NTRK1: variants seen among roughly 807,000 people sequenced by gnomAD.
NTRK1 encodes the protein neurotrophic receptor tyrosine kinase 1, also known as high affinity nerve growth factor receptor.
A neutral mutation model predicts 86.8 loss-of-function variants in NTRK1; 62 were observed. The observed-to-expected ratio is 0.71, with a 90% CI of 0.58 to 0.88. The LOEUF (loss-of-function observed/expected upper bound fraction) is 0.88. NTRK1 is among the 40% of genes least tolerant of loss of function. The pLI, the probability that NTRK1 is intolerant of heterozygous loss-of-function variation, is 0.00. For missense variants in NTRK1, 967 were observed against 1,078.4 expected (o/e 0.90, Z 1.45); for synonymous variants, 469 against 456.6 (o/e 1.03, Z -0.35).
chr1:156,841,790 G>T, intron 1 of NTRK1: 1 of 1,614,102 alleles, frequency 6.2e-7, no homozygotes, highest in South Asian at 1.1e-5. Context: ...GAGTCATCCC[G>T]AAGTCTGGAA....
At chr1:156,848,935 C>T (rs1439011415) in intron 2 of NTRK1, 1 of 1,581,164 alleles carries the variant, frequency 6.3e-7, no homozygotes, top group Non-Finnish European at 8.6e-7. Flanking sequence ...CCTTGTAGTA[C>T]ACGATGAAGC....
At chr1:156,842,487 A>T in intron 2 of NTRK1, 1 of 1,614,026 alleles carries the variant, frequency 6.2e-7, no homozygotes, top group Non-Finnish European at 8.5e-7. Flanking sequence ...TGGCCCTGAG[A>T]TACCACACCC....
chr1:156,861,253 C>T lies in NTRK1; in HGVS notation c.212+107C>T, dbSNP rs73004743. On this transcript the variant is annotated intron_variant, in intron 1 of 16. Transcript: ENST00000524377. ...TGCTGGTCAGGCAGGACGAGCACGG[C>T]GGAAGGCTGGCACCACGCAGCCTTC... 1.3e-3 allele frequency: 1,715 copies of T among 1,329,448 alleles called. 20 individuals carry two copies. In the African/African-American group the frequency reaches 0.022, roughly 17 times the overall value. 82.4% of individuals were successfully genotyped at this position (1,329,448 alleles called of 1,614,324 possible).
At chr1:156,820,169 A>G (rs1402843818) in intron 1 of NTRK1, among the ~76,000 whole-genome samples, 1 of 151,912 alleles carries the variant, frequency 6.6e-6, no homozygotes, top group Admixed American at 6.6e-5. Context: ...GAGATGGGGA[A>G]CCAGTTTCAT....
intron 4 of NTRK1, among the ~76,000 whole-genome samples, chr1:156,867,624 C>A (rs11264578): frequency 6.6e-6 from 1 of 150,460 alleles, no homozygotes; most frequent in Non-Finnish European, 1.5e-5. Context: ...TGAGTCACAG[C>A]GCCTGGCTTA....
At chr1:156,839,794 G>C (rs984227929) in intron 1 of NTRK1, among the ~76,000 whole-genome samples, 29 of 152,308 alleles carry the variant, frequency 1.9e-4, no homozygotes, top group African/African-American at 6.7e-4. Context: ...GGACTGGTTG[G>C]TTCTGCTTGG....
chr1:156,870,681 AT>A (rs1172298443), intron 6 of NTRK1, among the ~76,000 whole-genome samples: 1 of 152,216 alleles, frequency 6.6e-6, no homozygotes, highest in Non-Finnish European at 1.5e-5. Flanking sequence ...AGGATTCCAC[AT>A]TTATAAAGTT....
upstream of NTRK1, chr1:156,858,967 C>A (rs1655509590): frequency 3.6e-6 from 1 of 276,674 alleles, no homozygotes; most frequent in Admixed American, 4.4e-5. Flanking sequence ...GCCAGCCAAC[C>A]CTGAGGGCGG....
rs370483210 is a variant in NTRK1, at chr1:156,866,974, G to A, written c.424G>A (p.Glu142Lys). The stretch of plus-strand genomic sequence containing the variant: ...AACTGTGCAGGGCCTCTCCTTACAG[G>A]AACTGTGAGTGGGGGCGCTTCCAGG... ...WKTVQGLSLQELVLSGNPLHC... is the reference protein window; with the variant it reads ...WKTVQGLSLQKLVLSGNPLHC... Residue 142 changes from glutamate to lysine, a missense_variant, in exon 4 of 17, where the codon GAA becomes AAA. Physicochemically the swap from Glu to Lys is moderately conservative, Grantham distance 56. Coordinates refer to ENST00000524377, the MANE Select transcript of NTRK1 (RefSeq NM_002529.4). 4.0e-5 allele frequency: 64 copies of A among 1,614,088 alleles called. No individual in the cohort carries two copies. The African/African-American group carries it at 8.4e-4, about 21-fold the overall frequency.
chr1:156,852,625 C>T (rs994196942), intron 2 of NTRK1, among the ~76,000 whole-genome samples: 2 of 152,220 alleles, frequency 1.3e-5, no homozygotes, highest in Non-Finnish European at 2.9e-5. Flanking sequence ...TTTACCCATG[C>T]TCCTGCCCAT....
At chr1:156,876,050 G>A (rs769292213) in intron 12 of NTRK1, 30 bp from the exon 13 acceptor site, 3 of 1,613,960 alleles carry the variant, frequency 1.9e-6, no homozygotes, top group African/African-American at 2.7e-5. Flanking sequence ...CAAGACTGGG[G>A]CTACCGTCTG....
chr1:156,845,848 G>A lies in NTRK1; in HGVS notation c.50+3655G>A, dbSNP rs753128627. 1.9e-6 allele frequency: 3 copies of A among 1,593,374 alleles called. No individual in the cohort carries two copies. The East Asian group carries it at 6.9e-5, about 36-fold the overall frequency. On this transcript the variant is annotated intron_variant, in intron 2 of 16. Coordinates refer to the NTRK1 transcript ENST00000392302. Reference sequence around the variant, plus strand: ...GCAGCGGGAAGACACTAGTAAGACAGGCGGTCTACCCGCCTCTGATCCCCC... The same window carrying A: ...GCAGCGGGAAGACACTAGTAAGACAAGCGGTCTACCCGCCTCTGATCCCCC...
intron 1 of NTRK1, among the ~76,000 whole-genome samples, chr1:156,833,460 G>A: frequency 6.6e-6 from 1 of 152,134 alleles, no homozygotes; most frequent in South Asian, 2.1e-4. Context: ...GGGAGGCTGA[G>A]GCAGGAGAAT....
At chr1:156,880,888 C>T (rs1648221912) in intron 16 of NTRK1, among the ~76,000 whole-genome samples, 1 of 152,218 alleles carries the variant, frequency 6.6e-6, no homozygotes, top group Non-Finnish European at 1.5e-5. Context: ...GATTCCTTGG[C>T]TGCTTTAGCA....
chr1:156,876,242 C>A (rs1647896571), intron 13 of NTRK1, 32 bp downstream of exon 13: 5 of 1,613,202 alleles, frequency 3.1e-6, no homozygotes, highest in Non-Finnish European at 4.2e-6. Flanking sequence ...TACTGCTGGC[C>A]TGGGTCCCAC....
Position 156,876,563 on chromosome 1 carries a change from G to T in NTRK1, c.1796G>T (p.Arg599Leu), listed in dbSNP as rs775718859. 8 of 1,611,868 alleles carry T rather than the reference G, an allele frequency of 5.0e-6. No individual in the cohort carries two copies. The highest frequency in any genetic ancestry group is 6.8e-6 in the Non-Finnish European group (8 of 1,179,546). Residue 599 changes from arginine (R) to leucine (L), a missense_variant, in exon 14 of 17, where the codon CGC becomes CTC. Arg to Leu is a moderately radical substitution (Grantham distance 102, BLOSUM62 -2). Coordinates refer to ENST00000524377, the MANE Select transcript of NTRK1 (RefSeq NM_002529.4). ...TATATGCGGCACGGGGACCTCAACC[G>T]CTTCCTCCGGTACCAGCACCTGGCC... ...FEYMRHGDLN[R>L]FLRSHGPDAK... is the part of the protein sequence containing the mutation.
chr1:156,867,121 A>G, intron 4 of NTRK1, 143 bp downstream of exon 4: 4 of 864,974 alleles, frequency 4.6e-6, no homozygotes, highest in Non-Finnish European at 7.7e-6. Context: ...TGCCAGTGAA[A>G]CCCCCATCAA....
chr1:156,844,864 C>T lies in NTRK1; in HGVS notation c.50+2671C>T, dbSNP rs554642017. 25 of 1,613,292 alleles carry T rather than the reference C, an allele frequency of 1.5e-5. 1 individual carries two copies. In the South Asian group the frequency reaches 2.3e-4, roughly 15 times the overall value. On this transcript the variant is annotated intron_variant, in intron 2 of 16. Transcript: ENST00000392302. ...CTCTCCTGCGGGAAGGGGCATCCAGCAGCCGGGCCAAAAGTGGTTCATCTC... is the reference window on the plus strand; with the variant it reads ...CTCTCCTGCGGGAAGGGGCATCCAGTAGCCGGGCCAAAAGTGGTTCATCTC...
At chr1:156,833,472 G>T (rs926273156) in intron 1 of NTRK1, among the ~76,000 whole-genome samples, 2 of 152,024 alleles carry the variant, frequency 1.3e-5, no homozygotes, top group African/African-American at 4.8e-5. Context: ...CAGGAGAATT[G>T]CTTGACCCTG....
Sources: allele counts gnomAD v4.1 joint callset (sites outside exome capture counted in the v4.1 genomes callset), GRCh38; gene constraint gnomAD v4.1.1; transcripts MANE v1.5; gene names NCBI Gene and HGNC (gene_info 2026-07-23, HGNC 2026-07-21).